The following PPP1R3A variants were observed in gnomAD, a reference collection of about 807,000 sequenced individuals.
PPP1R3A encodes the protein RG1.
A neutral mutation model predicts 41.7 loss-of-function variants in PPP1R3A; 29 were observed. The ratio of observed to expected loss-of-function variants is 0.70; its 90% CI spans 0.52 to 0.95. PPP1R3A has a LOEUF of 0.95. PPP1R3A is among the 40% of genes least tolerant of loss of function. The pLI is 0.00. For missense variants in PPP1R3A, 1,352 were observed against 1,292.4 expected (o/e 1.05, Z -0.71); for synonymous variants, 485 against 453.4 (o/e 1.07, Z -0.89).
At chr7:113,905,413 A>G (rs563965460) in intron 1 of PPP1R3A, among the ~76,000 whole-genome samples, 6 of 151,902 alleles carry the variant, frequency 3.9e-5, no homozygotes, top group South Asian at 2.1e-4. Context: ...TAAAGTTTAC[A>G]AAAGTAAAAG....
chr7:113,900,591 A>C (rs1797045531), intron 1 of PPP1R3A, among the ~76,000 whole-genome samples: 1 of 149,444 alleles, frequency 6.7e-6, no homozygotes, highest in Non-Finnish European at 1.5e-5. Context: ...TAAAATATTG[A>C]TATATATCAT....
chr7:113,911,373 G>A (rs1057274949), intron 1 of PPP1R3A, among the ~76,000 whole-genome samples: 5 of 152,062 alleles, frequency 3.3e-5, no homozygotes, highest in African/African-American at 4.8e-5. Flanking sequence ...ATTCCTTTTC[G>A]TATAGTTGTG....
intron 1 of PPP1R3A, among the ~76,000 whole-genome samples, chr7:113,890,518 T>C (rs972194098): frequency 6.6e-6 from 1 of 152,132 alleles, no homozygotes; most frequent in Non-Finnish European, 1.5e-5. Context: ...ACACTCAGAC[T>C]CCAGGAATGT....
intron 1 of PPP1R3A, among the ~76,000 whole-genome samples, chr7:113,897,801 G>A (rs1441474639): frequency 6.6e-6 from 1 of 151,778 alleles, no homozygotes; most frequent in Non-Finnish European, 1.5e-5. Flanking sequence ...GATGACTACT[G>A]TTGAAGATTA....
At chr7:113,908,351 T>A (rs1322478575) in intron 1 of PPP1R3A, among the ~76,000 whole-genome samples, 1 of 151,928 alleles carries the variant, frequency 6.6e-6, no homozygotes, top group Non-Finnish European at 1.5e-5. Context: ...TGTGTGTGTG[T>A]GTATTTTTTC....
intron 1 of PPP1R3A, among the ~76,000 whole-genome samples, chr7:113,906,379 CATATA>C (rs1797146869): frequency 6.6e-6 from 1 of 151,744 alleles, no homozygotes; most frequent in Admixed American, 6.6e-5. Context: ...CCTCCACGGC[CATATA>C]ATATAATATG....
Position 113,878,654 on chromosome 7 carries a change from C to T in PPP1R3A, c.2438G>A (p.Arg813His), listed in dbSNP as rs61756424. 5.5e-5 allele frequency: 88 copies of T among 1,613,272 alleles called. No individual in the cohort carries two copies. The highest frequency in any genetic ancestry group is 3.3e-4 in the Middle Eastern group (2 of 6,080). The change falls in exon 4 of 4, where the codon CGT (arginine) becomes CAT (histidine). Residue 813 changes from arginine (R) to histidine (H), a missense_variant. Arg to His is a conservative substitution (Grantham distance 29). Coordinates refer to ENST00000284601, the MANE Select transcript of PPP1R3A (RefSeq NM_002711.4). ...KESRLGICNVRVDEMEKEETM... is the reference protein window; with the variant it reads ...KESRLGICNVHVDEMEKEETM... ...TTCTTCCTTCTCCATTTCATCTACA[C>T]GTACATTACAAATACCTAAACGTGA...
In PPP1R3A at chr7:113,919,005, CT is replaced by C; in HGVS notation, c.-10del. 1 of 1,607,256 alleles carries C rather than the reference CT, an allele frequency of 6.2e-7. No homozygotes were observed. The highest frequency in any genetic ancestry group is 8.5e-7 in the Non-Finnish European group (1 of 1,174,456). ...ACTTCAGAAGGCTCCATTGGGCTCT[CT>C]GATATCAAATAAGAGAGAACTGTAC... is the stretch of plus-strand genomic sequence containing the variant. On this transcript the variant is annotated 5_prime_UTR_variant, in exon 1 of 4. Transcript: ENST00000284601.
Position 113,879,697 on chromosome 7 carries a change from G to A in PPP1R3A, c.1395C>T (p.Asn465=). The A allele has an allele frequency of 6.2e-7, 1 of 1,612,906 alleles. No homozygotes were observed. Among genetic ancestry groups the A allele is most frequent in the Non-Finnish European group, 8.5e-7 (1 of 1,179,590 alleles). ...CTCCTCCTTCATGTTTTTTATTAAG[G>A]TTTCCTGCCATTAGTTGATCTGAAG... is the stretch of plus-strand genomic sequence containing the variant. The part of the protein sequence containing the change: ...CPSSDQLMAG[N]LNKKHEGGAK... The change falls in exon 4 of 4, where the codon AAC becomes AAT. Residue 465 remains asparagine, a synonymous_variant. Transcript: ENST00000284601.
chr7:113,888,941 C>A (rs1193667513), intron 1 of PPP1R3A, among the ~76,000 whole-genome samples: 4 of 152,156 alleles, frequency 2.6e-5, no homozygotes, highest in Non-Finnish European at 5.9e-5. Context: ...TACGTTGTCT[C>A]TCCCCTCTCT....
chr7:113,905,368 C>A (rs978531300), intron 1 of PPP1R3A, among the ~76,000 whole-genome samples: 6 of 151,572 alleles, frequency 4.0e-5, no homozygotes, highest in African/African-American at 1.5e-4. Flanking sequence ...TCAGTGAAAT[C>A]AGCAATCAGC....
At chr7:113,911,640 G>A (rs1797253195) in intron 1 of PPP1R3A, among the ~76,000 whole-genome samples, 1 of 151,938 alleles carries the variant, frequency 6.6e-6, no homozygotes, top group Non-Finnish European at 1.5e-5. Flanking sequence ...TTTTTTGTGT[G>A]TGACCCAGAA....
intron 1 of PPP1R3A, among the ~76,000 whole-genome samples, chr7:113,899,599 T>A (rs1477663795): frequency 6.6e-6 from 1 of 151,874 alleles, no homozygotes; most frequent in African/African-American, 2.4e-5. Flanking sequence ...ATTTTCATTA[T>A]TTTTTAAATT....
intron 1 of PPP1R3A, among the ~76,000 whole-genome samples, chr7:113,912,816 A>G (rs1357708283): frequency 1.3e-5 from 2 of 152,004 alleles, no homozygotes; most frequent in Non-Finnish European, 2.9e-5. Flanking sequence ...AGGCTCTCAG[A>G]GATCCCAGAG....
Position 113,882,058 on chromosome 7 carries a change from T to C in PPP1R3A, c.947A>G (p.Glu316Gly). ...DVNREHDEHN[E>G]KELELMINQH... ...ACTTACCATCAACTCTAATTCTTTT[T>C]CATTATGTTCATCATGTTCCCTGTT... The change falls in exon 3 of 4, where the codon GAA becomes GGA. Residue 316 changes from glutamate to glycine, a missense_variant. Transcript: ENST00000284601. 1 of 1,612,596 alleles carries C rather than the reference T, an allele frequency of 6.2e-7. No homozygotes were observed. The highest frequency in any genetic ancestry group is 1.1e-5 in the South Asian group (1 of 91,062).
chr7:113,918,834 C>T lies in PPP1R3A; in HGVS notation c.163G>A (p.Asp55Asn), dbSNP rs763376707. 21 of 1,613,584 alleles carry T rather than the reference C, an allele frequency of 1.3e-5. No homozygotes were observed. The Admixed American group carries it at 3.0e-4, about 23-fold the overall frequency. The change falls in exon 1 of 4, where the codon GAT becomes AAT. Residue 55 changes from aspartate to asparagine, a missense_variant. Asp to Asn is a conservative substitution (Grantham distance 23, BLOSUM62 1). Transcript: ENST00000284601. ...GSDSSEDIYL[D>N]TPSSGTRRVS... ...CTTCTAGTACCTGAAGATGGGGTAT[C>T]CAGGTATATGTCTTCAGAAGAATCA... is the stretch of plus-strand genomic sequence containing the variant.
intron 1 of PPP1R3A, among the ~76,000 whole-genome samples, chr7:113,915,331 C>T (rs1371160153): frequency 1.3e-5 from 2 of 151,896 alleles, no homozygotes; most frequent in African/African-American, 2.4e-5. Context: ...TCATTCATTC[C>T]ATACTTATTA....
rs865895701 is a variant in PPP1R3A, at chr7:113,887,189, G to C, written c.783-4869C>G. Among the ~76,000 whole-genome samples, 7 of 151,874 alleles carry C rather than the reference G, an allele frequency of 4.6e-5. No homozygotes were observed. In the Middle Eastern group the frequency reaches 0.02, roughly 443 times the overall value. ...AAAGTATTACCCCTTCAGAGTTCAG[G>C]ACAATGTTTTCAATTATGGAGTCAA... On this transcript the variant is annotated intron_variant, in intron 1 of 3. Coordinates refer to ENST00000284601, the MANE Select transcript of PPP1R3A (RefSeq NM_002711.4).
intron 3 of PPP1R3A, 107 bp downstream of exon 3, chr7:113,881,932 C>T: frequency 3.6e-6 from 5 of 1,370,392 alleles, no homozygotes; most frequent in Non-Finnish European, 5.2e-6. Flanking sequence ...TGTGCTTTCA[C>T]ATTTGCAAAT....
Sources: allele counts gnomAD v4.1 joint callset (sites outside exome capture counted in the v4.1 genomes callset), GRCh38; gene constraint gnomAD v4.1.1; transcripts MANE v1.5; gene names NCBI Gene and HGNC (gene_info 2026-07-23, HGNC 2026-07-21).